Variants in PRKG1 observed in about 807,000 individuals in gnomAD.
PRKG1 encodes protein kinase cGMP-dependent 1.
In PRKG1, 35 loss-of-function variants were observed where a neutral mutation model predicts 88.1. The observed-to-expected ratio is 0.40, with a 90% CI of 0.30 to 0.53. The LOEUF (loss-of-function observed/expected upper bound fraction) is 0.53, where lower values mean the gene tolerates loss of function less well. Ranked by LOEUF, PRKG1 falls within the 20% of genes least tolerant of loss-of-function variation. The probability of loss-of-function intolerance (pLI) is 0.59; values close to 1 mark genes in which losing one functional copy is unlikely to be tolerated. For missense variants in PRKG1, 540 were observed against 839.8 expected, an observed-to-expected ratio of 0.64 and a Z score of 4.41; for synonymous variants, 303 against 292.5, an observed-to-expected ratio of 1.04 and a Z score of -0.37.
intron 3 of PRKG1, among the ~76,000 whole-genome samples, chr10:51,534,709 G>C (rs995442438): frequency 3.1e-4 from 47 of 150,688 alleles, no homozygotes; most frequent in African/African-American, 1.0e-3. Context: ...GTTCTGCCCA[G>C]ATCATGGTTC....
At chr10:52,031,670 AT>A (rs1429092419) in intron 5 of PRKG1, among the ~76,000 whole-genome samples, 1 of 152,226 alleles carries the variant, frequency 6.6e-6, no homozygotes, top group East Asian at 1.9e-4. Context: ...AGCATAAAGC[AT>A]TGTGGTTGCT....
At chr10:51,740,910 T>C (rs1178629294) in intron 3 of PRKG1, among the ~76,000 whole-genome samples, 3 of 147,990 alleles carry the variant, frequency 2.0e-5, no homozygotes, top group Non-Finnish European at 3.0e-5. Context: ...TGATTGCCCA[T>C]TGATTTGTCC....
chr10:51,351,427 C>T (rs994104368), intron 2 of PRKG1, among the ~76,000 whole-genome samples: 6 of 152,114 alleles, frequency 3.9e-5, no homozygotes, highest in South Asian at 2.1e-4. Flanking sequence ...TCTGTTGTTT[C>T]CTGACTTTAA....
intron 2 of PRKG1, among the ~76,000 whole-genome samples, chr10:51,460,072 G>A (rs531095097): frequency 6.6e-6 from 1 of 152,088 alleles, no homozygotes; most frequent in Admixed American, 6.5e-5. Context: ...GTTCTTTCTT[G>A]TGGGGGCACT....
intron 5 of PRKG1, among the ~76,000 whole-genome samples, chr10:52,040,965 T>A (rs1262893655): frequency 6.6e-6 from 1 of 150,614 alleles, no homozygotes; most frequent in Non-Finnish European, 1.5e-5. Context: ...GCCTTCTGAG[T>A]AGCTGGGATT....
At chr10:52,177,919 G>A in intron 9 of PRKG1, among the ~76,000 whole-genome samples, 1 of 144,320 alleles carries the variant, frequency 6.9e-6, no homozygotes, top group Non-Finnish European at 1.5e-5. Flanking sequence ...TGTTGATTTT[G>A]CATATCTTTT....
chr10:52,062,382 ATGT>A (rs1405574400), intron 6 of PRKG1, among the ~76,000 whole-genome samples, 152 bp from the exon 7 acceptor site: 1 of 152,134 alleles, frequency 6.6e-6, no homozygotes, highest in African/African-American at 2.4e-5. Context: ...GGAATTTGTG[ATGT>A]TGTTCTTTGG....
At chr10:52,169,766 C>T (rs1416149128) in intron 9 of PRKG1, among the ~76,000 whole-genome samples, 1 of 152,034 alleles carries the variant, frequency 6.6e-6, no homozygotes, top group Non-Finnish European at 1.5e-5. Context: ...GAGCTTACAC[C>T]AAATAATAAG....
chr10:51,045,139 A>G (rs955963969), intron 1 of PRKG1, among the ~76,000 whole-genome samples: 8 of 152,272 alleles, frequency 5.3e-5, no homozygotes, highest in Admixed American at 3.3e-4. Context: ...TGAAATAAAT[A>G]GTAAAATTAA....
chr10:51,022,264 G>T (rs1257639927), intron 1 of PRKG1, among the ~76,000 whole-genome samples: 1 of 152,136 alleles, frequency 6.6e-6, no homozygotes, highest in Non-Finnish European at 1.5e-5. Context: ...GGGGCCTCAG[G>T]TCTGTTGGAT....
chr10:51,890,830 C>T (rs866992137), intron 4 of PRKG1, among the ~76,000 whole-genome samples: 14 of 152,098 alleles, frequency 9.2e-5, no homozygotes, highest in African/African-American at 1.7e-4. Flanking sequence ...ATGGTGCACA[C>T]CAGTAATCCC....
intron 2 of PRKG1, among the ~76,000 whole-genome samples, chr10:51,325,985 T>G (rs550074889): frequency 1.3e-5 from 2 of 152,350 alleles, no homozygotes; most frequent in African/African-American, 4.8e-5. Flanking sequence ...TTCTGAGTAC[T>G]GACTTTGATG....
At chr10:51,270,476 A>T (rs1442171662) in intron 2 of PRKG1, among the ~76,000 whole-genome samples, 1 of 152,072 alleles carries the variant, frequency 6.6e-6, no homozygotes, top group African/African-American at 2.4e-5. Context: ...ATGCTTATAA[A>T]ATTTCCAAGC....
At chr10:51,973,018 A>G (rs1478083701) in intron 5 of PRKG1, among the ~76,000 whole-genome samples, 1 of 152,168 alleles carries the variant, frequency 6.6e-6, no homozygotes, top group African/African-American at 2.4e-5. Flanking sequence ...CTTCTTTCTA[A>G]GGGTTCCCTA....
chr10:52,048,778 T>C lies in PRKG1; in HGVS notation c.763-5706T>C, dbSNP rs549018267. ...TCTTTGGGGAAATGTATTGCTTAAT[T>C]TAGACGTGCTGTCAATTTTCTTTCT... On this transcript the variant is annotated intron_variant, in intron 5 of 17. Coordinates refer to ENST00000373980, the MANE Select transcript of PRKG1 (RefSeq NM_006258.4). Among the ~76,000 whole-genome samples, 3 of 149,132 alleles carry C rather than the reference T, an allele frequency of 2.0e-5. No individual in the cohort carries two copies. The East Asian group carries it at 5.8e-4, about 29-fold the overall frequency.
At chr10:52,014,567 A>G (rs561829132) in intron 5 of PRKG1, among the ~76,000 whole-genome samples, 4 of 152,254 alleles carry the variant, frequency 2.6e-5, no homozygotes, top group African/African-American at 9.6e-5. Flanking sequence ...TCCTTTACAC[A>G]TTTCAAAATT....
At chr10:51,312,482 G>C (rs1364857462) in intron 2 of PRKG1, among the ~76,000 whole-genome samples, 2 of 152,130 alleles carry the variant, frequency 1.3e-5, no homozygotes, top group Non-Finnish European at 2.9e-5. Context: ...TAATGGGTGG[G>C]AATGATCATT....
At chr10:51,965,116 G>A (rs1843535656) in intron 5 of PRKG1, among the ~76,000 whole-genome samples, 2 of 152,230 alleles carry the variant, frequency 1.3e-5, no homozygotes, top group African/African-American at 2.4e-5. Context: ...TCAGGGGTAC[G>A]TATGCAGGTT....
Position 52,089,918 on chromosome 10 carries a change from G to A in PRKG1, c.935+27287G>A, listed in dbSNP as rs564537036. 1.4e-3 allele frequency among the ~76,000 whole-genome samples: 198 copies of A among 145,476 alleles called. 1 individual carries two copies. The highest frequency in any genetic ancestry group is 4.9e-3 in the African/African-American group (192 of 39,076). ...CAACCTCTGCCTGCCACGTTCAAGT[G>A]ATTCTCCTGCTTCAGCCTCCCGAGT... On this transcript the variant is annotated intron_variant, in intron 7 of 17. Transcript: ENST00000373980.
Sources: allele counts gnomAD v4.1 joint callset (sites outside exome capture counted in the v4.1 genomes callset), GRCh38; gene constraint gnomAD v4.1.1; transcripts MANE v1.5; gene names NCBI Gene and HGNC (gene_info 2026-07-23, HGNC 2026-07-21).